The following DPP6 variants were observed in gnomAD, a reference collection of about 807,000 sequenced individuals.
DPP6 encodes A-type potassium channel modulatory protein DPP6.
A neutral mutation model predicts 122.6 loss-of-function variants in DPP6; 69 were observed. The ratio of observed to expected loss-of-function variants is 0.56; its 90% confidence interval spans 0.46 to 0.69. The LOEUF is 0.69. Ranked by LOEUF, DPP6 falls within the 30% of genes least tolerant of loss-of-function variation. The pLI is 0.00. For synonymous variants in DPP6, 418 were observed against 433.1 expected (o/e 0.97, Z 0.43); for missense variants, 928 against 1,116.9 (o/e 0.83, Z 2.41).
chr7:153,873,817 A>T, the DPP6 span, among the ~76,000 whole-genome samples: 972 of 152,342 alleles, frequency 6.4e-3, 9 homozygotes, highest in African/African-American at 0.022. Context: ...TTCATGTCCA[A>T]AAGATGGAAG....
chr7:154,636,050 T>C (rs1266821082), intron 5 of DPP6, among the ~76,000 whole-genome samples: 1 of 152,176 alleles, frequency 6.6e-6, no homozygotes, highest in African/African-American at 2.4e-5. Flanking sequence ...CTTCCCCCTT[T>C]CTCTTTCCTT....
chr7:154,475,245 C>G (rs1262916030), intron 3 of DPP6: 7 of 528,530 alleles, frequency 1.3e-5, no homozygotes, highest in Non-Finnish European at 2.5e-5. Context: ...GTGTTGCCTC[C>G]CGAGCATCCA....
intron 1 of DPP6, among the ~76,000 whole-genome samples, chr7:153,908,644 C>T (rs149573230): frequency 2.6e-5 from 4 of 152,176 alleles, no homozygotes; most frequent in Non-Finnish European, 5.9e-5. Flanking sequence ...AACCTGCCAT[C>T]TTCAAGGATT....
intron 1 of DPP6, among the ~76,000 whole-genome samples, chr7:153,999,496 C>T (rs1227222356): frequency 6.6e-6 from 1 of 152,180 alleles, no homozygotes; most frequent in Non-Finnish European, 1.5e-5. Context: ...ATGCATTTGG[C>T]GTTTACTGTT....
intron 19 of DPP6, among the ~76,000 whole-genome samples, chr7:154,874,343 G>C (rs922736680): frequency 5.3e-5 from 8 of 152,168 alleles, no homozygotes; most frequent in African/African-American, 1.9e-4. Context: ...GTCGTGCCCG[G>C]TGGAGACAGC....
At chr7:154,512,326 T>G (rs1386676488) in intron 3 of DPP6, among the ~76,000 whole-genome samples, 1 of 152,188 alleles carries the variant, frequency 6.6e-6, no homozygotes, top group African/African-American at 2.4e-5. Context: ...CCCATGTGCT[T>G]CTACGTGTAA....
the DPP6 span, among the ~76,000 whole-genome samples, chr7:153,792,062 A>G: frequency 1.3e-5 from 2 of 152,228 alleles, no homozygotes; most frequent in Non-Finnish European, 2.9e-5. Context: ...TTTCCCTAAT[A>G]TTTTTATTGT....
At chr7:154,015,366 C>T (rs1212222802) in intron 1 of DPP6, among the ~76,000 whole-genome samples, 3 of 152,108 alleles carry the variant, frequency 2.0e-5, no homozygotes, top group Non-Finnish European at 4.4e-5. Flanking sequence ...GGATGAGCTT[C>T]TCAATGCCCT....
intron 16 of DPP6, among the ~76,000 whole-genome samples, chr7:154,835,841 T>C (rs1036400555): frequency 1.3e-5 from 2 of 152,224 alleles, no homozygotes; most frequent in African/African-American, 4.8e-5. Flanking sequence ...GATTAATAAA[T>C]CAGTGGTTCA....
intron 5 of DPP6, among the ~76,000 whole-genome samples, chr7:154,621,759 C>T (rs1834693578): frequency 6.6e-6 from 1 of 152,170 alleles, no homozygotes; most frequent in Admixed American, 6.5e-5. Context: ...GGTTTCTCTT[C>T]CCTCCTCATG....
At chr7:154,533,077 A>G (rs1827972284) in intron 3 of DPP6, among the ~76,000 whole-genome samples, 1 of 152,210 alleles carries the variant, frequency 6.6e-6, no homozygotes, top group Non-Finnish European at 1.5e-5. Flanking sequence ...ATTAGATCAC[A>G]TCACCTTTCT....
At chr7:153,935,253 G>A (rs1585054319) in intron 1 of DPP6, among the ~76,000 whole-genome samples, 2 of 152,002 alleles carry the variant, frequency 1.3e-5, no homozygotes, top group African/African-American at 2.4e-5. Context: ...GAGAAGGGGG[G>A]GGACGTGCCC....
chr7:154,027,570 C>T (rs575426462), intron 1 of DPP6, among the ~76,000 whole-genome samples: 15 of 152,206 alleles, frequency 9.9e-5, no homozygotes, highest in Admixed American at 2.0e-4. Flanking sequence ...AAGTCCACCT[C>T]CTAACACCAT....
chr7:154,475,560 G>T, intron 3 of DPP6: 1 of 157,052 alleles, frequency 6.4e-6, no homozygotes, highest in East Asian at 1.9e-4. Context: ...CTTTAATTTG[G>T]ATTAAATCTA....
intron 7 of DPP6, among the ~76,000 whole-genome samples, chr7:154,704,309 G>A (rs1181128466): frequency 1.3e-5 from 2 of 152,208 alleles, no homozygotes; most frequent in Non-Finnish European, 2.9e-5. Flanking sequence ...AGCAAAGAAA[G>A]TGTTTCTTGA....
chr7:153,985,024 C>T (rs981390009), intron 1 of DPP6, among the ~76,000 whole-genome samples: 1 of 152,228 alleles, frequency 6.6e-6, no homozygotes, highest in Non-Finnish European at 1.5e-5. Flanking sequence ...GCTGAACACA[C>T]AGGTCCTGCC....
intron 1 of DPP6, among the ~76,000 whole-genome samples, chr7:153,895,632 A>AAG (rs749610855): frequency 0.76 from 115,123 of 151,814 alleles, 43,693 homozygotes; most frequent in Middle Eastern, 0.81. Context: ...GTCCTATTGG[A>AAG]CACAAAATCT....
chr7:153,992,522 C>T (rs564886509), intron 1 of DPP6, among the ~76,000 whole-genome samples: 391 of 152,218 alleles, frequency 2.6e-3, no homozygotes, highest in African/African-American at 8.8e-3. Context: ...CACTTGCATC[C>T]TCCATGATTG....
At chr7:154,023,935 G>T (rs888228478) in intron 1 of DPP6, among the ~76,000 whole-genome samples, 6 of 152,086 alleles carry the variant, frequency 3.9e-5, no homozygotes, top group Admixed American at 3.9e-4. Flanking sequence ...TAGAATTTAG[G>T]GGTGCCCAAC....
Sources: gnomAD v4.1 joint callset for allele counts (sites outside exome capture counted in the v4.1 genomes callset) on GRCh38, gnomAD v4.1.1 for gene constraint, MANE v1.5 for transcripts, NCBI Gene and HGNC (gene_info 2026-07-23, HGNC 2026-07-21) for gene names.